PHF24: variants seen among roughly 807,000 people sequenced by gnomAD.
PHF24 encodes the protein Galpha inhibitory interacting protein.
Under a neutral mutation model 42.6 loss-of-function variants are expected in PHF24, and 25 were observed. The observed-to-expected ratio is 0.59, with a 90% CI of 0.43 to 0.82. The LOEUF is 0.82. Ranked by LOEUF, PHF24 falls within the 40% of genes least tolerant of loss-of-function variation. PHF24 has a pLI of 0.00. For synonymous variants in PHF24, 185 were observed against 204.8 expected, an observed-to-expected ratio of 0.90 and a Z score of 0.83; for missense variants, 470 against 538.1, an observed-to-expected ratio of 0.87 and a Z score of 1.25.
chr9:34,918,265 C>G, the PHF24 span: 3 of 1,462,318 alleles, frequency 2.1e-6, no homozygotes, highest in Admixed American at 1.7e-5. Context: ...CTCAATGAAA[C>G]TGGTGATGAG....
At chr9:34,789,438 T>C in the PHF24 span, among the ~76,000 whole-genome samples, 1 of 152,224 alleles carries the variant, frequency 6.6e-6, no homozygotes, top group African/African-American at 2.4e-5. Flanking sequence ...ATGTAAACAC[T>C]GGGGCTAATG....
At chr9:34,913,528 C>T in the PHF24 span, among the ~76,000 whole-genome samples, 4 of 152,126 alleles carry the variant, frequency 2.6e-5, no homozygotes, top group African/African-American at 9.7e-5. Flanking sequence ...ATTTTATTAT[C>T]CATAAACTTC....
chr9:34,692,066 G>T, the PHF24 span, among the ~76,000 whole-genome samples: 1 of 152,120 alleles, frequency 6.6e-6, no homozygotes, highest in African/African-American at 2.4e-5. Context: ...GCCGATGGGG[G>T]AGGGGACAAG....
intron 1 of PHF24, among the ~76,000 whole-genome samples, chr9:34,964,515 A>C (rs908637281): frequency 6.6e-6 from 1 of 152,230 alleles, no homozygotes; most frequent in Non-Finnish European, 1.5e-5. Flanking sequence ...ATCTTTATAC[A>C]GAGTGCTGGG....
At chr9:34,797,582 C>T in the PHF24 span, among the ~76,000 whole-genome samples, 1 of 152,168 alleles carries the variant, frequency 6.6e-6, no homozygotes, top group Non-Finnish European at 1.5e-5. Context: ...CGATATCCTG[C>T]GGTGTGCCGG....
chr9:34,828,322 C>T, the PHF24 span, among the ~76,000 whole-genome samples: 1 of 152,194 alleles, frequency 6.6e-6, no homozygotes, highest in African/African-American at 2.4e-5. Context: ...CACTTCTATT[C>T]TGTGTCCTCT....
the PHF24 span, among the ~76,000 whole-genome samples, chr9:34,744,685 A>C: frequency 6.6e-6 from 1 of 152,218 alleles, no homozygotes. Context: ...GTTACAGCAC[A>C]TATGCTGGAA....
At chr9:34,824,227 A>G in the PHF24 span, among the ~76,000 whole-genome samples, 1 of 152,210 alleles carries the variant, frequency 6.6e-6, no homozygotes, top group African/African-American at 2.4e-5. Context: ...ATATCCGACA[A>G]GGGTCACAGA....
the PHF24 span, among the ~76,000 whole-genome samples, chr9:34,842,670 G>C: frequency 6.6e-6 from 1 of 152,164 alleles, no homozygotes; most frequent in Non-Finnish European, 1.5e-5. Context: ...CCAGCACCTC[G>C]ATCTTGTACA....
the PHF24 span, among the ~76,000 whole-genome samples, chr9:34,733,812 G>C: frequency 6.6e-6 from 1 of 152,022 alleles, no homozygotes; most frequent in Non-Finnish European, 1.5e-5. Context: ...CATGGCTTCT[G>C]TGTTTTAAGT....
the PHF24 span, among the ~76,000 whole-genome samples, chr9:34,780,933 A>G: frequency 3.3e-5 from 5 of 152,334 alleles, no homozygotes; most frequent in East Asian, 3.9e-4. Flanking sequence ...ATGAGATACC[A>G]CTATCACATA....
At chr9:34,734,913 T>A in the PHF24 span, among the ~76,000 whole-genome samples, 7 of 152,194 alleles carry the variant, frequency 4.6e-5, no homozygotes, top group African/African-American at 1.7e-4. Flanking sequence ...CAAACCAGCC[T>A]CAACCATAAA....
chr9:34,982,224 G>A (rs1201727232), exon 8 of PHF24: 5 of 152,204 alleles, frequency 3.3e-5, no homozygotes, highest in Non-Finnish European at 7.3e-5. Context: ...GTGACACAAA[G>A]GCCCTCAAGA....
chr9:34,729,496 G>C, the PHF24 span: 5 of 1,476,812 alleles, frequency 3.4e-6, no homozygotes, highest in South Asian at 6.8e-5. Context: ...GGTGCCTAAT[G>C]AATCCCAGTG....
At chr9:34,716,445 G>A in the PHF24 span, among the ~76,000 whole-genome samples, 1 of 152,218 alleles carries the variant, frequency 6.6e-6, no homozygotes, top group Non-Finnish European at 1.5e-5. Flanking sequence ...TTTAGGATTT[G>A]GATTAAGAGT....
At chr9:34,749,632 T>A in the PHF24 span, among the ~76,000 whole-genome samples, 4 of 149,890 alleles carry the variant, frequency 2.7e-5, no homozygotes, top group Non-Finnish European at 5.9e-5. Context: ...TTACTTTAAG[T>A]TCTGGGATAC....
the PHF24 span, chr9:34,923,043 GTTTTT>G: frequency 2.8e-6 from 1 of 359,578 alleles, no homozygotes; most frequent in Admixed American, 5.5e-5. Flanking sequence ...TTTAAGTTTT[GTTTTT>G]GTTTTTTTTT....
chr9:34,896,405 C>T, the PHF24 span, among the ~76,000 whole-genome samples: 1 of 152,182 alleles, frequency 6.6e-6, no homozygotes, highest in African/African-American at 2.4e-5. Context: ...TCCCAATCTG[C>T]GTGGTCCAGC....
chr9:34,731,661 A>G, the PHF24 span, among the ~76,000 whole-genome samples: 1 of 152,172 alleles, frequency 6.6e-6, no homozygotes, highest in South Asian at 2.1e-4. Context: ...ATAGCACTCC[A>G]TTGTGTATAT....
Sources: gnomAD v4.1 joint callset for allele counts (sites outside exome capture counted in the v4.1 genomes callset) on GRCh38, gnomAD v4.1.1 for gene constraint, MANE v1.5 for transcripts, NCBI Gene and HGNC (gene_info 2026-07-23, HGNC 2026-07-21) for gene names.